The following RTN1 variants were observed in gnomAD, a reference collection of about 807,000 sequenced individuals.
The protein encoded by RTN1 is reticulon 1.
A neutral mutation model predicts 65.5 loss-of-function variants in RTN1; 25 were observed. The ratio of observed to expected loss-of-function variants is 0.38; its 90% CI spans 0.28 to 0.53. RTN1 has a LOEUF of 0.53. RTN1 is among the 20% of genes least tolerant of loss of function. The pLI is 0.79. For missense variants in RTN1, 983 were observed against 1,025.4 expected (o/e 0.96, Z 0.57); for synonymous variants, 471 against 447.6 (o/e 1.05, Z -0.66).
At chr14:59,805,095 C>T (rs769406241) in intron 1 of RTN1, among the ~76,000 whole-genome samples, 5 of 152,216 alleles carry the variant, frequency 3.3e-5, no homozygotes, top group Non-Finnish European at 7.3e-5. Context: ...CTGGAATGCT[C>T]TTCACCAAAG....
At chr14:59,748,069 A>C (rs984529808) in intron 1 of RTN1, among the ~76,000 whole-genome samples, 5 of 152,270 alleles carry the variant, frequency 3.3e-5, no homozygotes, top group African/African-American at 1.2e-4. Flanking sequence ...ACAGATGAGG[A>C]AACTGAGAAA....
intron 1 of RTN1, among the ~76,000 whole-genome samples, chr14:59,778,140 A>T (rs902837135): frequency 1.3e-5 from 2 of 152,148 alleles, no homozygotes; most frequent in Non-Finnish European, 2.9e-5. Context: ...TCCTGAAGGA[A>T]GGCTTCCTTG....
At chr14:59,666,794 A>G (rs886845527) in intron 3 of RTN1, among the ~76,000 whole-genome samples, 17 of 152,142 alleles carry the variant, frequency 1.1e-4, no homozygotes, top group African/African-American at 4.1e-4. Context: ...ACAGACTATC[A>G]TCAGAGAATA....
intron 3 of RTN1, among the ~76,000 whole-genome samples, chr14:59,650,586 A>T (rs1883000401): frequency 6.6e-6 from 1 of 152,198 alleles, no homozygotes. Context: ...AATGTATAAA[A>T]ATCACTAGAA....
chr14:59,799,614 G>A (rs118003348), intron 1 of RTN1, among the ~76,000 whole-genome samples: 1,863 of 152,342 alleles, frequency 0.012, 16 homozygotes, highest in Middle Eastern at 0.051. Context: ...CCAGACACAT[G>A]GAGAGTTCAC....
intron 3 of RTN1, among the ~76,000 whole-genome samples, chr14:59,655,077 C>T (rs1027523296): frequency 1.3e-5 from 2 of 152,156 alleles, no homozygotes; most frequent in African/African-American, 2.4e-5. Context: ...GGAATCCACA[C>T]AAAACGATTT....
intron 3 of RTN1, among the ~76,000 whole-genome samples, chr14:59,615,512 G>A (rs1236329067): frequency 6.6e-6 from 1 of 152,098 alleles, no homozygotes; most frequent in African/African-American, 2.4e-5. Flanking sequence ...GCCTGAATCT[G>A]GGCCCATGTG....
intron 1 of RTN1, among the ~76,000 whole-genome samples, chr14:59,792,563 G>C (rs527239440): frequency 6.6e-6 from 1 of 152,024 alleles, no homozygotes; most frequent in Non-Finnish European, 1.5e-5. Context: ...ATTTAAAGGA[G>C]GGCCAACATC....
chr14:59,712,835 T>C (rs10144022), intron 3 of RTN1, among the ~76,000 whole-genome samples: 70,681 of 149,686 alleles, frequency 0.47, 18,602 homozygotes, highest in African/African-American at 0.71. Context: ...TGCTTGAACC[T>C]GGGAGGTGGA....
intron 3 of RTN1, among the ~76,000 whole-genome samples, chr14:59,713,617 C>T (rs879037428): frequency 6.6e-6 from 1 of 152,184 alleles, no homozygotes; most frequent in Non-Finnish European, 1.5e-5. Context: ...CTCACTGCTT[C>T]GCCCAATTCA....
chr14:59,798,274 C>G (rs1392945678), intron 1 of RTN1, among the ~76,000 whole-genome samples: 1 of 152,140 alleles, frequency 6.6e-6, no homozygotes, highest in Non-Finnish European at 1.5e-5. Context: ...ATATAGCTCA[C>G]CACTGACTAA....
chr14:59,661,259 CA>C (rs768483248), intron 3 of RTN1, among the ~76,000 whole-genome samples: 138 of 83,376 alleles, frequency 1.7e-3, no homozygotes, highest in South Asian at 5.5e-3. Flanking sequence ...GCCTACCAAC[CA>C]AAAAAAAAAA....
At chr14:59,750,132 A>ATAATAT in intron 1 of RTN1, among the ~76,000 whole-genome samples, 1 of 63,356 alleles carries the variant, frequency 1.6e-5, no homozygotes, top group East Asian at 7.0e-4. Flanking sequence ...TATTATCTAT[A>ATAATAT]ATATATAATA....
intron 2 of RTN1, among the ~76,000 whole-genome samples, chr14:59,738,975 GA>G (rs1171488657): frequency 6.6e-6 from 1 of 152,022 alleles, no homozygotes; most frequent in African/African-American, 2.4e-5. Context: ...TATTGAGGGG[GA>G]GCAACACACA....
chr14:59,798,081 G>C (rs1369524846), intron 1 of RTN1, among the ~76,000 whole-genome samples: 1 of 152,120 alleles, frequency 6.6e-6, no homozygotes, highest in African/African-American at 2.4e-5. Flanking sequence ...TGGGCAAATG[G>C]ATATAACACC....
intron 1 of RTN1, among the ~76,000 whole-genome samples, chr14:59,761,105 T>A (rs960880315): frequency 1.3e-5 from 2 of 152,248 alleles, no homozygotes; most frequent in African/African-American, 4.8e-5. Flanking sequence ...TCAGTTTTTT[T>A]AAACATCTGC....
At chr14:59,751,914 G>A (rs1472833394) in intron 1 of RTN1, among the ~76,000 whole-genome samples, 3 of 152,100 alleles carry the variant, frequency 2.0e-5, no homozygotes, top group East Asian at 1.9e-4. Context: ...TCACAGCCCT[G>A]TTGCCACCAT....
At chr14:59,806,619 C>T (rs748834045) in intron 1 of RTN1, among the ~76,000 whole-genome samples, 1 of 152,116 alleles carries the variant, frequency 6.6e-6, no homozygotes, top group Non-Finnish European at 1.5e-5. Context: ...CTCCTCCCAC[C>T]CTCCACCTTT....
In RTN1 at chr14:59,808,629, G is replaced by A. The variant is rs74695448; in HGVS notation, c.241+61761C>T. The stretch of plus-strand genomic sequence containing the variant: ...CAGTAAGAACTGTATATGGATCTGT[G>A]TCCCCACCCAAGTCTCATGTCAAAT... On this transcript the variant is annotated intron_variant, in intron 1 of 8. Transcript: ENST00000267484. 4.9e-3 allele frequency among the ~76,000 whole-genome samples: 740 copies of A among 152,270 alleles called. 18 individuals are homozygous for A. In the East Asian group the frequency reaches 0.056, roughly 12 times the overall value.
Sources: gnomAD v4.1 joint callset for allele counts (sites outside exome capture counted in the v4.1 genomes callset) on GRCh38, gnomAD v4.1.1 for gene constraint, MANE v1.5 for transcripts, NCBI Gene and HGNC (gene_info 2026-07-23, HGNC 2026-07-21) for gene names.